COL26A1: variants seen among roughly 807,000 people sequenced by gnomAD.
COL26A1 encodes the protein collagen type XXVI alpha 1 chain, also known as collagen alpha-1(XXVI) chain.
Under a neutral mutation model 59.3 loss-of-function variants are expected in COL26A1, and 41 were observed. The observed-to-expected ratio is 0.69, with a 90% confidence interval of 0.54 to 0.90. The LOEUF (loss-of-function observed/expected upper bound fraction) is 0.90. Among genes scored for constraint, COL26A1 ranks in the 40% least tolerant of loss-of-function variants. The pLI is 0.00. For missense variants in COL26A1, 612 were observed against 602.3 expected, an observed-to-expected ratio of 1.02 and a Z score of -0.17; for synonymous variants, 266 against 256.0, an observed-to-expected ratio of 1.04 and a Z score of -0.37.
At chr7:101,363,964 G>A (rs1162815348) in intron 1 of COL26A1, among the ~76,000 whole-genome samples, 1 of 152,182 alleles carries the variant, frequency 6.6e-6, no homozygotes, top group African/African-American at 2.4e-5. Flanking sequence ...CTGAGGCCGC[G>A]GAGGATCCTC....
At chr7:101,368,199 T>C (rs1318292640) in intron 1 of COL26A1, among the ~76,000 whole-genome samples, 2 of 152,222 alleles carry the variant, frequency 1.3e-5, no homozygotes, top group African/African-American at 4.8e-5. Flanking sequence ...AATTACATCT[T>C]GGGTGCTGTA....
chr7:101,377,101 C>T (rs896578229), intron 1 of COL26A1, among the ~76,000 whole-genome samples: 24 of 152,116 alleles, frequency 1.6e-4, no homozygotes, highest in African/African-American at 5.1e-4. Flanking sequence ...TCAGGTGATC[C>T]GCCTGCCTCG....
chr7:101,469,062 ATC>A (rs1793832909), intron 3 of COL26A1, among the ~76,000 whole-genome samples: 1 of 152,196 alleles, frequency 6.6e-6, no homozygotes. Context: ...GGCAGAGCGC[ATC>A]AGCAGACACG....
In COL26A1 at chr7:101,557,400, G is replaced by A; in HGVS notation, c.1196G>A (p.Gly399Asp). 6.2e-7 allele frequency: 1 copy of A among 1,613,792 alleles called. No homozygotes were observed. The highest frequency in any genetic ancestry group is 8.5e-7 in the Non-Finnish European group (1 of 1,179,766). The change falls in exon 13 of 13, where the codon GGC becomes GAC. Residue 399 changes from glycine to aspartate, a missense_variant. By Grantham distance (94) the Gly-to-Asp change is moderately conservative. Coordinates refer to ENST00000313669, the MANE Select transcript of COL26A1 (RefSeq NM_001278563.3). ...DPLASPEGGSGQDAALRANLK... is the reference protein window; with the variant it reads ...DPLASPEGGSDQDAALRANLK... ...CTGGCCTCCCCAGAGGGAGGTTCTG[G>A]CCAGGATGCTGCCCTGAGAGCCAAC... is the stretch of plus-strand genomic sequence containing the variant.
At chr7:101,362,708 T>G, upstream of COL26A1, 1 of 364,736 alleles carries the variant, frequency 2.7e-6, no homozygotes, top group South Asian at 3.8e-5. Context: ...GCTTTCGGGG[T>G]GTTAGGCTCC....
intron 9 of COL26A1, among the ~76,000 whole-genome samples, chr7:101,549,816 G>A (rs1204818092): frequency 6.6e-6 from 1 of 152,222 alleles, no homozygotes; most frequent in East Asian, 1.9e-4. Context: ...TGCTGCCTGA[G>A]GTTGTACAGA....
At position 101,368,863 on chromosome 7, in the gene COL26A1, C is replaced by T. The variant is rs529258245; in HGVS notation, c.158+5673C>T. Among the ~76,000 whole-genome samples the T allele has an allele frequency of 3.3e-3, 491 of 150,684 alleles. 4 individuals carry two copies. Among genetic ancestry groups the T allele is most frequent in the African/African-American group, 0.011 (442 of 40,380 alleles). Reference sequence around the variant, plus strand: ...TAATTGCTAGAATACTTATAATTTCCCCCTTATTTACTATTTGTAGGTAGA... The same window carrying T: ...TAATTGCTAGAATACTTATAATTTCTCCCTTATTTACTATTTGTAGGTAGA... On this transcript the variant is annotated intron_variant, in intron 1 of 12. Transcript: ENST00000313669.
intron 3 of COL26A1, among the ~76,000 whole-genome samples, chr7:101,490,092 A>C (rs11984408): frequency 0.048 from 7,262 of 150,740 alleles, 593 homozygotes; most frequent in African/African-American, 0.17. Flanking sequence ...ACCTGCCACC[A>C]CACATGGGTA....
intron 3 of COL26A1, among the ~76,000 whole-genome samples, chr7:101,530,273 A>G (rs1304237718): frequency 1.3e-5 from 2 of 151,958 alleles, no homozygotes; most frequent in African/African-American, 2.4e-5. Flanking sequence ...TGTAAGTTTA[A>G]GAGGAAGGCA....
At chr7:101,364,911 C>A (rs1429442596) in intron 1 of COL26A1, among the ~76,000 whole-genome samples, 1 of 152,178 alleles carries the variant, frequency 6.6e-6, no homozygotes, top group Non-Finnish European at 1.5e-5. Flanking sequence ...CCTATCAAAG[C>A]TAAAAGACAG....
chr7:101,553,720 G>A (rs971579088), intron 11 of COL26A1, among the ~76,000 whole-genome samples: 6 of 152,170 alleles, frequency 3.9e-5, no homozygotes, highest in African/African-American at 4.8e-5. Context: ...CCCTCTCAAC[G>A]GACCGGGTTC....
chr7:101,383,551 A>G (rs926668358), intron 1 of COL26A1, among the ~76,000 whole-genome samples: 2 of 145,282 alleles, frequency 1.4e-5, no homozygotes, highest in Non-Finnish European at 3.0e-5. Flanking sequence ...TTTCTTTTTT[A>G]TGAGACAGAG....
chr7:101,422,650 C>CT (rs56812806), intron 2 of COL26A1, among the ~76,000 whole-genome samples: 3 of 151,402 alleles, frequency 2.0e-5, no homozygotes, highest in Admixed American at 6.6e-5. Context: ...TTCTTTCTTT[C>CT]TTTTTTTTTG....
intron 1 of COL26A1, among the ~76,000 whole-genome samples, chr7:101,412,168 A>T (rs1792256708): frequency 6.6e-6 from 1 of 152,068 alleles, no homozygotes; most frequent in Non-Finnish European, 1.5e-5. Context: ...GGACTAGCTA[A>T]ACAAAACAGA....
intron 3 of COL26A1, among the ~76,000 whole-genome samples, chr7:101,497,275 A>C (rs1794609799): frequency 6.6e-6 from 1 of 151,846 alleles, no homozygotes; most frequent in Admixed American, 6.6e-5. Context: ...GAAACATGAC[A>C]TGTGACCCAG....
At chr7:101,372,459 G>A (rs1584348182) in intron 1 of COL26A1, among the ~76,000 whole-genome samples, 1 of 151,478 alleles carries the variant, frequency 6.6e-6, no homozygotes, top group South Asian at 2.1e-4. Context: ...ACCGCACCTG[G>A]CCTTCTGGGG....
At chr7:101,524,484 A>G (rs1427895496) in intron 3 of COL26A1, among the ~76,000 whole-genome samples, 2 of 152,340 alleles carry the variant, frequency 1.3e-5, no homozygotes, top group East Asian at 1.9e-4. Context: ...ACCCAGTGGT[A>G]TAGACACTGA....
intron 9 of COL26A1, 118 bp from the exon 10 acceptor site, chr7:101,550,990 C>T (rs1795847748): frequency 5.1e-6 from 6 of 1,184,242 alleles, no homozygotes; most frequent in Non-Finnish European, 6.1e-6. Flanking sequence ...GGCCATCCTC[C>T]TCTCCCTTCC....
chr7:101,440,290 C>T (rs967748002), intron 2 of COL26A1, among the ~76,000 whole-genome samples: 7 of 120,220 alleles, frequency 5.8e-5, no homozygotes, highest in Non-Finnish European at 1.4e-4. Flanking sequence ...CGCTTGAACC[C>T]GGGAGGTGAA....
Sources: allele counts gnomAD v4.1 joint callset (sites outside exome capture counted in the v4.1 genomes callset), GRCh38; gene constraint gnomAD v4.1.1; transcripts MANE v1.5; gene names NCBI Gene and HGNC (gene_info 2026-07-23, HGNC 2026-07-21).